The following ZRANB3 variants were observed in gnomAD, a reference collection of about 807,000 sequenced individuals.
ZRANB3 encodes zinc finger RANBP2-type containing 3.
ZRANB3 carries 125 observed loss-of-function variants against 133.8 expected under a neutral mutation model. The ratio of observed to expected loss-of-function variants is 0.93; its 90% CI spans 0.81 to 1.08. The LOEUF is 1.08. ZRANB3 is among the 50% of genes least tolerant of loss of function. ZRANB3 has a pLI of 0.00. For synonymous variants in ZRANB3, 387 were observed against 432.7 expected (o/e 0.89, Z 1.31); for missense variants, 1,229 against 1,275.5 (o/e 0.96, Z 0.56).
At chr2:135,296,059 G>A (rs1236677743) in intron 8 of ZRANB3, among the ~76,000 whole-genome samples, 2 of 152,062 alleles carry the variant, frequency 1.3e-5, no homozygotes, top group Non-Finnish European at 2.9e-5. Context: ...GTGTATCTTG[G>A]AGTTGCTGTT....
At chr2:135,264,085 G>A (rs1013226765) in intron 12 of ZRANB3, among the ~76,000 whole-genome samples, 8 of 151,380 alleles carry the variant, frequency 5.3e-5, no homozygotes, top group African/African-American at 1.7e-4. Context: ...CACCACGCCT[G>A]GTCCATAGTG....
At chr2:135,476,836 T>C (rs573735834) in intron 2 of ZRANB3, among the ~76,000 whole-genome samples, 17 of 151,944 alleles carry the variant, frequency 1.1e-4, no homozygotes, top group African/African-American at 4.1e-4. Context: ...CTCAAGTAGG[T>C]TGGGATTATA....
chr2:135,203,663 T>C (rs1693729543), intron 19 of ZRANB3, among the ~76,000 whole-genome samples: 1 of 147,624 alleles, frequency 6.8e-6, no homozygotes, highest in African/African-American at 2.5e-5. Context: ...TACTACTGAG[T>C]CAAACAATCT....
intron 12 of ZRANB3, among the ~76,000 whole-genome samples, chr2:135,261,781 C>A (rs1679976797): frequency 6.6e-6 from 1 of 152,066 alleles, no homozygotes; most frequent in Non-Finnish European, 1.5e-5. Context: ...AGCTACAAAT[C>A]ATAGATTTAT....
At chr2:135,276,237 T>G (rs552973546) in intron 8 of ZRANB3, among the ~76,000 whole-genome samples, 5 of 149,702 alleles carry the variant, frequency 3.3e-5, no homozygotes, top group Non-Finnish European at 7.4e-5. Context: ...AAGGAAAGTT[T>G]TTTTTTTTTT....
chr2:135,361,301 A>G (rs1685684880), intron 3 of ZRANB3, among the ~76,000 whole-genome samples: 2 of 152,210 alleles, frequency 1.3e-5, no homozygotes, highest in Admixed American at 1.3e-4. Context: ...TGAATAAACA[A>G]TAGTACAAAT....
At chr2:135,225,291 T>C (rs1694716092) in intron 14 of ZRANB3, among the ~76,000 whole-genome samples, 1 of 152,208 alleles carries the variant, frequency 6.6e-6, no homozygotes, top group African/African-American at 2.4e-5. Context: ...TGCTCTTACC[T>C]TCTCTCACAG....
In ZRANB3 at chr2:135,275,617, T is replaced by C. The variant is rs1174289114; in HGVS notation, c.1086+19A>G. ...AATATGCATTCTAAAAAGTATTTAG[T>C]TAAAAAATGGCAACATACCTTATTT... On this transcript the variant is annotated intron_variant, in intron 9 of 20. Coordinates refer to ENST00000264159, the MANE Select transcript of ZRANB3 (RefSeq NM_032143.4). The C allele has an allele frequency of 6.4e-7, 1 of 1,557,730 alleles. No individual in the cohort carries two copies. Among genetic ancestry groups the C allele is most frequent in the Non-Finnish European group, 8.7e-7 (1 of 1,149,748 alleles).
chr2:135,291,186 C>A (rs917535080), intron 8 of ZRANB3, among the ~76,000 whole-genome samples: 11 of 146,686 alleles, frequency 7.5e-5, no homozygotes, highest in African/African-American at 2.8e-4. Context: ...ATTCTTAATT[C>A]TTTTTTTTTT....
chr2:135,330,848 T>C (rs1684105267), intron 6 of ZRANB3, among the ~76,000 whole-genome samples: 3 of 152,198 alleles, frequency 2.0e-5, no homozygotes, highest in Admixed American at 1.3e-4. Flanking sequence ...GAGGTGTTTA[T>C]AGTATTCTCT....
At chr2:135,427,573 C>T (rs1019304528) in intron 2 of ZRANB3, among the ~76,000 whole-genome samples, 5 of 152,124 alleles carry the variant, frequency 3.3e-5, no homozygotes, top group South Asian at 2.1e-4. Flanking sequence ...AATGGAAAAA[C>T]GTTCCATGCT....
chr2:135,504,818 A>G (rs1693101609), intron 1 of ZRANB3, among the ~76,000 whole-genome samples: 2 of 152,160 alleles, frequency 1.3e-5, no homozygotes, highest in Non-Finnish European at 2.9e-5. Flanking sequence ...CACAAATCGA[A>G]TAATTTTTAA....
intron 4 of ZRANB3, 124 bp from the exon 5 acceptor site, chr2:135,350,339 T>A (rs1685149439): frequency 1.6e-6 from 1 of 628,136 alleles, no homozygotes; most frequent in Non-Finnish European, 2.7e-6. Context: ...TAAAAGGAGA[T>A]GGTACTACTA....
At chr2:135,474,829 A>G (rs575073076) in intron 2 of ZRANB3, among the ~76,000 whole-genome samples, 3 of 152,332 alleles carry the variant, frequency 2.0e-5, no homozygotes, top group African/African-American at 7.2e-5. Context: ...TGAAAGTTCA[A>G]TATCTAGGTG....
At chr2:135,522,627 CTG>C (rs1307343663) in intron 1 of ZRANB3, among the ~76,000 whole-genome samples, 1 of 152,152 alleles carries the variant, frequency 6.6e-6, no homozygotes, top group Non-Finnish European at 1.5e-5. Context: ...TAGTGAATCC[CTG>C]TCTCTACTAA....
chr2:135,367,465 T>C (rs1016356383), intron 3 of ZRANB3, among the ~76,000 whole-genome samples: 7 of 152,182 alleles, frequency 4.6e-5, no homozygotes, highest in South Asian at 2.1e-4. Flanking sequence ...GCCTTAAGGA[T>C]TGATGTCAAG....
At chr2:135,231,291 A>G (rs1466167687) in intron 12 of ZRANB3, among the ~76,000 whole-genome samples, 5 of 152,208 alleles carry the variant, frequency 3.3e-5, no homozygotes, top group Non-Finnish European at 7.3e-5. Flanking sequence ...GAGCAGTTAT[A>G]TAACAAAAAT....
chr2:135,407,036 C>T (rs199922551), intron 2 of ZRANB3, among the ~76,000 whole-genome samples: 10,473 of 152,180 alleles, frequency 0.069, 751 homozygotes, highest in African/African-American at 0.18. Context: ...CAAATTGTCC[C>T]TGTTTGCAGA....
At chr2:135,286,336 G>A (rs2104788008) in intron 8 of ZRANB3, among the ~76,000 whole-genome samples, 1 of 152,258 alleles carries the variant, frequency 6.6e-6, no homozygotes, top group South Asian at 2.1e-4. Flanking sequence ...GGAGTGCAGT[G>A]GTACAATCTC....
Sources: allele counts gnomAD v4.1 joint callset (sites outside exome capture counted in the v4.1 genomes callset), GRCh38; gene constraint gnomAD v4.1.1; transcripts MANE v1.5; gene names NCBI Gene and HGNC (gene_info 2026-07-23, HGNC 2026-07-21).